Variants in FSTL5 observed in about 807,000 individuals in gnomAD.
FSTL5 encodes the protein follistatin like 5, also known as follistatin-related protein 5.
A neutral mutation model predicts 89.1 loss-of-function variants in FSTL5; 62 were observed. The ratio of observed to expected loss-of-function variants is 0.70; its 90% CI spans 0.57 to 0.86. FSTL5 has a LOEUF of 0.86. Among genes scored for constraint, FSTL5 ranks in the 40% least tolerant of loss-of-function variants. The pLI is 0.00. For missense variants in FSTL5, 1,057 were observed against 1,001.6 expected, an observed-to-expected ratio of 1.06 and a Z score of -0.75; for synonymous variants, 383 against 346.2, an observed-to-expected ratio of 1.11 and a Z score of -1.18.
chr4:161,748,859 A>G (rs34162857), intron 6 of FSTL5, among the ~76,000 whole-genome samples: 3,888 of 151,728 alleles, frequency 0.026, 66 homozygotes, highest in Non-Finnish European at 0.037. Context: ...ATTGAACTCG[A>G]CAAAGGACAT....
chr4:161,779,811 G>GTATATA (rs1203119725), intron 4 of FSTL5, among the ~76,000 whole-genome samples: 1 of 40,446 alleles, frequency 2.5e-5, no homozygotes, highest in African/African-American at 9.6e-5. Context: ...ATATATATAT[G>GTATATA]TATATATATA....
intron 13 of FSTL5, among the ~76,000 whole-genome samples, chr4:161,476,828 G>A (rs1467854854): frequency 6.6e-6 from 1 of 152,194 alleles, no homozygotes; most frequent in Non-Finnish European, 1.5e-5. Flanking sequence ...ACCCACCTCT[G>A]TCTGTAGCTC....
intron 4 of FSTL5, among the ~76,000 whole-genome samples, chr4:161,784,909 A>AAAAAAG (rs1741839088): frequency 7.5e-6 from 1 of 133,640 alleles, no homozygotes; most frequent in African/African-American, 2.8e-5. Flanking sequence ...AACAAAAACA[A>AAAAAAG]ACAAACAAAA....
At chr4:161,695,283 C>T (rs1738102545) in intron 6 of FSTL5, among the ~76,000 whole-genome samples, 1 of 152,054 alleles carries the variant, frequency 6.6e-6, no homozygotes, top group African/African-American at 2.4e-5. Context: ...GCTTAGCTCC[C>T]ACTTATGAGT....
chr4:162,139,849 G>A (rs1732657796), intron 1 of FSTL5, among the ~76,000 whole-genome samples: 1 of 152,068 alleles, frequency 6.6e-6, no homozygotes, highest in African/African-American at 2.4e-5. Flanking sequence ...ATCAAAGGAT[G>A]CCATGAAGAG....
At chr4:161,548,892 T>G (rs931367416) in intron 8 of FSTL5, among the ~76,000 whole-genome samples, 1 of 151,848 alleles carries the variant, frequency 6.6e-6, no homozygotes, top group Non-Finnish European at 1.5e-5. Context: ...TTTAGACATT[T>G]TAATTCCAAT....
At chr4:161,704,889 C>T (rs894401162) in intron 6 of FSTL5, among the ~76,000 whole-genome samples, 9 of 152,022 alleles carry the variant, frequency 5.9e-5, no homozygotes, top group Admixed American at 1.3e-4. Flanking sequence ...GTTTTGCTCG[C>T]ATTATTCCCT....
intron 3 of FSTL5, among the ~76,000 whole-genome samples, chr4:161,995,378 A>G (rs557534841): frequency 6.6e-6 from 1 of 152,288 alleles, no homozygotes; most frequent in South Asian, 2.1e-4. Context: ...TGAAGATGCA[A>G]TGGAATCAGA....
chr4:162,136,136 C>A (rs1269718195), intron 1 of FSTL5, among the ~76,000 whole-genome samples: 3 of 152,000 alleles, frequency 2.0e-5, no homozygotes, highest in Non-Finnish European at 4.4e-5. Context: ...AATACACTCT[C>A]TCCCACACCC....
At chr4:161,457,615 T>A (rs78811430) in intron 14 of FSTL5, among the ~76,000 whole-genome samples, 8,000 of 152,032 alleles carry the variant, frequency 0.053, 663 homozygotes, top group African/African-American at 0.18. Flanking sequence ...GAAAATTGTA[T>A]AATAAAAATA....
At chr4:161,853,368 A>C (rs1350394117) in intron 4 of FSTL5, among the ~76,000 whole-genome samples, 1 of 151,568 alleles carries the variant, frequency 6.6e-6, no homozygotes, top group Non-Finnish European at 1.5e-5. Flanking sequence ...CCTGGGTTCA[A>C]GTGATTCTTG....
chr4:161,977,612 C>CAA (rs796909244), intron 3 of FSTL5, among the ~76,000 whole-genome samples: 177 of 95,062 alleles, frequency 1.9e-3, no homozygotes, highest in African/African-American at 6.4e-3. Flanking sequence ...GACTCCGTGT[C>CAA]AAAAAAAAAA....
intron 4 of FSTL5, among the ~76,000 whole-genome samples, chr4:161,876,603 G>A (rs1272020568): frequency 3.3e-5 from 5 of 151,980 alleles, no homozygotes; most frequent in African/African-American, 4.8e-5. Flanking sequence ...GGCTACACGC[G>A]GTGGCTCATG....
chr4:161,745,341 T>G (rs1740161308), intron 6 of FSTL5, among the ~76,000 whole-genome samples: 2 of 152,098 alleles, frequency 1.3e-5, no homozygotes, highest in Non-Finnish European at 2.9e-5. Flanking sequence ...TTGTTTATTT[T>G]GTACATCTGT....
intron 6 of FSTL5, among the ~76,000 whole-genome samples, chr4:161,725,202 T>A (rs1421313532): frequency 6.6e-6 from 1 of 151,776 alleles, no homozygotes; most frequent in African/African-American, 2.4e-5. Flanking sequence ...TAAAAAAAAA[T>A]AACTCTGAAA....
intron 8 of FSTL5, among the ~76,000 whole-genome samples, chr4:161,548,883 T>C (rs897366875): frequency 2.0e-5 from 3 of 151,816 alleles, no homozygotes; most frequent in African/African-American, 7.2e-5. Flanking sequence ...AACAAATGGT[T>C]TAGACATTTT....
rs1332414356 is a variant in FSTL5 at position 161,603,767 on chromosome 4, A to AGT, written c.895-16193_895-16192insAC. On this transcript the variant is annotated intron_variant, in intron 7 of 15. Coordinates refer to ENST00000306100, the MANE Select transcript of FSTL5 (RefSeq NM_020116.5). ...TCGAGAGACAGAACGTCTCCGAGACAATAACCAAAGTAAAGGTGTCAACGT... is the reference window on the plus strand; with the variant it reads ...TCGAGAGACAGAACGTCTCCGAGACAGTATAACCAAAGTAAAGGTGTCAACGT... Among the ~76,000 whole-genome samples, 7 of 152,320 alleles carry AGT rather than the reference A, an allele frequency of 4.6e-5. No homozygotes were observed. The East Asian group carries it at 1.4e-3, about 29-fold the overall frequency.
chr4:161,386,953 C>T (rs1162937094), intron 15 of FSTL5: 1 of 155,560 alleles, frequency 6.4e-6, no homozygotes, highest in Non-Finnish European at 1.4e-5. Flanking sequence ...TTCAACCTTT[C>T]AATGTTTATA....
intron 12 of FSTL5, among the ~76,000 whole-genome samples, chr4:161,499,476 T>A (rs1186191097): frequency 6.6e-6 from 1 of 152,128 alleles, no homozygotes; most frequent in African/African-American, 2.4e-5. Context: ...CATGTATTAG[T>A]ATATGACAGC....
Sources: allele counts gnomAD v4.1 joint callset (sites outside exome capture counted in the v4.1 genomes callset), GRCh38; gene constraint gnomAD v4.1.1; transcripts MANE v1.5; gene names NCBI Gene and HGNC (gene_info 2026-07-23, HGNC 2026-07-21).